Variants in RBFOX1 observed in about 807,000 individuals in gnomAD.
RBFOX1 encodes RNA binding protein fox-1 homolog 1.
RBFOX1 carries 8 observed loss-of-function variants against 57.7 expected under a neutral mutation model. That is an observed-to-expected ratio of 0.14 (90% CI 0.08 to 0.25). The LOEUF (loss-of-function observed/expected upper bound fraction) is 0.25, where lower values mean the gene tolerates loss of function less well. Among genes scored for constraint, RBFOX1 ranks in the 10% least tolerant of loss-of-function variants. RBFOX1 has a pLI of 1.00. For synonymous variants in RBFOX1, 326 were observed against 222.4 expected (o/e 1.47, Z -4.15); for missense variants, 611 against 548.5 (o/e 1.11, Z -1.14).
intron 3 of RBFOX1, among the ~76,000 whole-genome samples, chr16:6,700,297 T>G (rs2061631899): frequency 6.6e-6 from 1 of 151,590 alleles, no homozygotes. Context: ...AAATGAAAAA[T>G]AACAGTATAA....
intron 3 of RBFOX1, among the ~76,000 whole-genome samples, chr16:5,788,946 C>G (rs1477151971): frequency 6.6e-6 from 1 of 152,156 alleles, no homozygotes; most frequent in Non-Finnish European, 1.5e-5. Context: ...AAGCCTCTTT[C>G]AAGACATTTT....
chr16:6,444,361 C>G (rs908118318), intron 2 of RBFOX1, among the ~76,000 whole-genome samples: 6 of 152,140 alleles, frequency 3.9e-5, no homozygotes, highest in Non-Finnish European at 7.3e-5. Flanking sequence ...CCACCCAAAT[C>G]TCATCTTGAA....
At chr16:6,847,584 G>A (rs1180489988) in intron 3 of RBFOX1, among the ~76,000 whole-genome samples, 2 of 152,090 alleles carry the variant, frequency 1.3e-5, no homozygotes, top group Non-Finnish European at 2.9e-5. Flanking sequence ...TCGCTGAAAA[G>A]TTGCATGGCA....
intron 3 of RBFOX1, among the ~76,000 whole-genome samples, chr16:5,787,328 C>T (rs999809845): frequency 1.3e-5 from 2 of 152,110 alleles, no homozygotes; most frequent in Non-Finnish European, 2.9e-5. Flanking sequence ...CACAGAAGAG[C>T]CTCACAGTGA....
intron 6 of RBFOX1, among the ~76,000 whole-genome samples, chr16:7,586,774 T>G (rs1187564561): frequency 6.6e-6 from 1 of 152,230 alleles, no homozygotes; most frequent in African/African-American, 2.4e-5. Flanking sequence ...GTGTTTGTAC[T>G]TTCTTGCTCA....
intron 1 of RBFOX1, among the ~76,000 whole-genome samples, chr16:6,207,517 TGAA>T (rs2097263117): frequency 6.6e-6 from 1 of 152,128 alleles, no homozygotes; most frequent in Admixed American, 6.6e-5. Context: ...AAGAGAGGGC[TGAA>T]GAAGAAGAGA....
chr16:7,279,677 C>T (rs142845757), intron 4 of RBFOX1, among the ~76,000 whole-genome samples: 138 of 152,346 alleles, frequency 9.1e-4, no homozygotes, highest in Admixed American at 2.0e-3. Context: ...ATGGTCACAT[C>T]ATTCTATGAA....
intron 2 of RBFOX1, among the ~76,000 whole-genome samples, chr16:6,456,008 A>T (rs1398578137): frequency 1.4e-5 from 2 of 146,392 alleles, no homozygotes; most frequent in Non-Finnish European, 3.0e-5. Context: ...ATATCTAAGG[A>T]TTCTGATAAA....
chr16:6,346,542 T>TTC (rs2085402555), intron 2 of RBFOX1, among the ~76,000 whole-genome samples: 1 of 152,174 alleles, frequency 6.6e-6, no homozygotes, highest in African/African-American at 2.4e-5. Context: ...CCTACCTCAC[T>TTC]TCTGTTTTCT....
intron 3 of RBFOX1, among the ~76,000 whole-genome samples, chr16:6,774,972 A>G (rs1276139484): frequency 6.6e-6 from 1 of 152,044 alleles, no homozygotes. Flanking sequence ...TCCTCTTTAA[A>G]AAGAATGAAT....
intron 3 of RBFOX1, among the ~76,000 whole-genome samples, chr16:5,858,620 C>T (rs75993215): frequency 1.3e-5 from 2 of 152,196 alleles, no homozygotes; most frequent in Admixed American, 1.3e-4. Context: ...CCAGAATTTT[C>T]AAGCAAGTGC....
intron 2 of RBFOX1, among the ~76,000 whole-genome samples, chr16:6,384,153 TTAATC>T (rs1445121777): frequency 5.9e-5 from 9 of 152,030 alleles, no homozygotes; most frequent in Admixed American, 2.0e-4. Flanking sequence ...TGCTGGATCA[TTAATC>T]TAAGTATTCA....
At chr16:7,425,343 C>G (rs989989154) in intron 4 of RBFOX1, among the ~76,000 whole-genome samples, 1 of 152,120 alleles carries the variant, frequency 6.6e-6, no homozygotes, top group African/African-American at 2.4e-5. Context: ...GTTGAGTTGA[C>G]TTTTACCTAC....
At chr16:7,007,170 T>C (rs2093352165) in intron 3 of RBFOX1, among the ~76,000 whole-genome samples, 2 of 152,332 alleles carry the variant, frequency 1.3e-5, no homozygotes, top group African/African-American at 4.8e-5. Flanking sequence ...GCAAAATTTA[T>C]TTCCTTGCAG....
At chr16:7,575,904 C>A (rs1273582677) in intron 5 of RBFOX1, among the ~76,000 whole-genome samples, 1 of 152,080 alleles carries the variant, frequency 6.6e-6, no homozygotes, top group Non-Finnish European at 1.5e-5. Context: ...ATCCTTCCCA[C>A]TATCCTGTGA....
intron 4 of RBFOX1, among the ~76,000 whole-genome samples, chr16:7,416,836 G>T (rs544162102): frequency 9.9e-5 from 15 of 152,008 alleles, no homozygotes; most frequent in African/African-American, 3.6e-4. Flanking sequence ...CCAAGGTTTG[G>T]TCTATGCACG....
intron 3 of RBFOX1, among the ~76,000 whole-genome samples, chr16:5,789,571 C>T (rs1392939602): frequency 1.3e-5 from 2 of 152,126 alleles, no homozygotes. Context: ...AGTACTGGCA[C>T]TAGTATTTTA....
intron 2 of RBFOX1, among the ~76,000 whole-genome samples, chr16:6,593,838 G>A (rs1166073625): frequency 6.6e-6 from 1 of 152,134 alleles, no homozygotes. Flanking sequence ...TGGCAATATT[G>A]GGAAGGTGAT....
At chr16:6,154,450 G>C (rs2096824660) in intron 1 of RBFOX1, among the ~76,000 whole-genome samples, 1 of 152,212 alleles carries the variant, frequency 6.6e-6, no homozygotes, top group Non-Finnish European at 1.5e-5. Context: ...TATTGCATCT[G>C]AATAAGCCAG....
Sources: gnomAD v4.1 joint callset for allele counts (sites outside exome capture counted in the v4.1 genomes callset) on GRCh38, gnomAD v4.1.1 for gene constraint, MANE v1.5 for transcripts, NCBI Gene and HGNC (gene_info 2026-07-23, HGNC 2026-07-21) for gene names.